The following GCSAML variants were observed in gnomAD, a reference collection of about 807,000 sequenced individuals.
GCSAML encodes the protein germinal center associated signaling and motility like, also known as germinal center-associated signaling and motility-like protein.
A neutral mutation model predicts 13.0 loss-of-function variants in GCSAML; 9 were observed. That is an observed-to-expected ratio of 0.69 (90% CI 0.42 to 1.21). GCSAML has a LOEUF of 1.21. GCSAML is among the 50% of genes most tolerant of loss of function. The probability of loss-of-function intolerance (pLI) is 0.00; values close to 1 mark genes in which losing one functional copy is unlikely to be tolerated. For synonymous variants in GCSAML, 37 were observed against 52.9 expected (o/e 0.70, Z 1.31); for missense variants, 143 against 153.4 (o/e 0.93, Z 0.36).
chr1:247,563,722 G>T, intron 3 of GCSAML, 83 bp downstream of exon 3: 1 of 675,078 alleles, frequency 1.5e-6, no homozygotes. Flanking sequence ...TGAGCCTATT[G>T]TAATAACAGA....
chr1:247,556,745 A>T (rs913643423), intron 2 of GCSAML, among the ~76,000 whole-genome samples: 1 of 152,180 alleles, frequency 6.6e-6, no homozygotes, highest in African/African-American at 2.4e-5. Context: ...TTGGTTGGTT[A>T]TATGTGGTGG....
chr1:247,547,103 A>G (rs930547516), upstream of GCSAML, among the ~76,000 whole-genome samples: 1 of 150,672 alleles, frequency 6.6e-6, no homozygotes, highest in African/African-American at 2.5e-5. Flanking sequence ...ACCCTGTCTC[A>G]AAGACAAAAA....
In GCSAML at chr1:247,531,670, A is replaced by G. The variant is rs757292937; in HGVS notation, c.-148+4616A>G. On this transcript the variant is annotated intron_variant, in intron 2 of 5. Transcript: ENST00000366489. ...AAGTGGGTTCAGCGCAGGAGTGACT[A>G]CGGTGTAGAACAGAGCTATGAACTT... The G allele has an allele frequency of 1.6e-5, 26 of 1,614,008 alleles. No homozygotes were observed. Among genetic ancestry groups the G allele is most frequent in the South Asian group, 2.2e-5 (2 of 91,082 alleles).
chr1:247,545,367 A>G (rs906995653), upstream of GCSAML, among the ~76,000 whole-genome samples: 2 of 152,238 alleles, frequency 1.3e-5, no homozygotes, highest in African/African-American at 4.8e-5. Context: ...CAAATTTGCC[A>G]GCTAGTATTA....
intron 2 of GCSAML, chr1:247,531,476 C>G: frequency 6.8e-7 from 1 of 1,472,342 alleles, no homozygotes; most frequent in South Asian, 1.3e-5. Flanking sequence ...AACGACATCC[C>G]AAGTGCCCTG....
intron 2 of GCSAML, among the ~76,000 whole-genome samples, chr1:247,557,297 T>G (rs73150469): frequency 6.6e-6 from 1 of 151,992 alleles, no homozygotes; most frequent in Non-Finnish European, 1.5e-5. Context: ...TTAACGTCAC[T>G]TCTGTTTCAC....
chr1:247,512,563 T>C (rs1666078631), intron 1 of GCSAML, among the ~76,000 whole-genome samples: 2 of 152,102 alleles, frequency 1.3e-5, no homozygotes, highest in Non-Finnish European at 2.9e-5. Flanking sequence ...TGGTGAGGTG[T>C]TGTGATCCTT....
chr1:247,518,226 C>T (rs1396388442), intron 1 of GCSAML, among the ~76,000 whole-genome samples: 2 of 152,232 alleles, frequency 1.3e-5, no homozygotes, highest in African/African-American at 4.8e-5. Context: ...TCGCCGCGTA[C>T]ACGTACCTGG....
chr1:247,554,202 T>C (rs1369123392), intron 1 of GCSAML, among the ~76,000 whole-genome samples: 1 of 152,170 alleles, frequency 6.6e-6, no homozygotes, highest in Non-Finnish European at 1.5e-5. Context: ...CTGGATTTTT[T>C]TGTTATTGAT....
intron 4 of GCSAML, among the ~76,000 whole-genome samples, 195 bp from the exon 5 acceptor site, chr1:247,573,948 G>A (rs184023853): frequency 1.4e-3 from 218 of 152,074 alleles, no homozygotes; most frequent in African/African-American, 5.1e-3. Context: ...TCTCTTTGTA[G>A]CAATTGTAAA....
chr1:247,565,344 C>T (rs940710349), intron 3 of GCSAML, among the ~76,000 whole-genome samples: 1 of 148,102 alleles, frequency 6.8e-6, no homozygotes, highest in African/African-American at 2.5e-5. Context: ...GGCGACAGAG[C>T]GAGAATCTGT....
intron 2 of GCSAML, among the ~76,000 whole-genome samples, chr1:247,542,697 A>G (rs1667451691): frequency 6.6e-6 from 1 of 152,244 alleles, no homozygotes; most frequent in African/African-American, 2.4e-5. Context: ...AAACTACAGT[A>G]TCTAGTCACC....
chr1:247,518,806 C>G (rs1306845348), intron 1 of GCSAML, among the ~76,000 whole-genome samples: 4 of 152,114 alleles, frequency 2.6e-5, no homozygotes, highest in Non-Finnish European at 5.9e-5. Context: ...CTGGGCAATA[C>G]AGCGAGAACC....
chr1:247,532,435 G>T (rs1558242781), intron 2 of GCSAML: 1 of 1,614,096 alleles, frequency 6.2e-7, no homozygotes, highest in Non-Finnish European at 8.5e-7. Context: ...GAAGAGGACA[G>T]TTTCTAGTGA....
intron 4 of GCSAML, among the ~76,000 whole-genome samples, chr1:247,573,787 C>T (rs1668724202): frequency 6.6e-6 from 1 of 152,148 alleles, no homozygotes; most frequent in Non-Finnish European, 1.5e-5. Context: ...GGCAGTATTT[C>T]CATTTTTATG....
chr1:247,515,529 T>C (rs1666181365), intron 1 of GCSAML, among the ~76,000 whole-genome samples: 1 of 152,208 alleles, frequency 6.6e-6, no homozygotes, highest in Non-Finnish European at 1.5e-5. Flanking sequence ...CTCGCACTGC[T>C]AGAAAGAACT....
intron 2 of GCSAML, chr1:247,529,707 AC>A (rs1422263173): frequency 7.2e-6 from 1 of 139,418 alleles, no homozygotes; most frequent in African/African-American, 2.7e-5. Context: ...CCTCGGTGTT[AC>A]TGTGAAGGTG....
intron 1 of GCSAML, among the ~76,000 whole-genome samples, chr1:247,508,045 G>C (rs1197659668): frequency 6.6e-6 from 1 of 152,144 alleles, no homozygotes; most frequent in Non-Finnish European, 1.5e-5. Flanking sequence ...TGGGATTGCT[G>C]GGTCAAATGG....
chr1:247,543,052 G>A (rs10436938), intron 2 of GCSAML, among the ~76,000 whole-genome samples: 38,826 of 152,054 alleles, frequency 0.26, 5,535 homozygotes, highest in Middle Eastern at 0.38. Context: ...AATCAACAGC[G>A]GAGTCAGCAG....
Sources: gnomAD v4.1 joint callset for allele counts (sites outside exome capture counted in the v4.1 genomes callset) on GRCh38, gnomAD v4.1.1 for gene constraint, MANE v1.5 for transcripts, NCBI Gene and HGNC (gene_info 2026-07-23, HGNC 2026-07-21) for gene names.